Variants in PEX14 observed in about 807,000 individuals in gnomAD.
PEX14 encodes the protein peroxisomal membrane protein PEX14.
PEX14 carries 15 observed loss-of-function variants against 49.5 expected under a neutral mutation model. The observed-to-expected ratio is 0.30, with a 90% CI of 0.20 to 0.47. The LOEUF is 0.47. PEX14 is among the 20% of genes least tolerant of loss of function. The pLI is 1.00. For synonymous variants in PEX14, 210 were observed against 212.7 expected, an observed-to-expected ratio of 0.99 and a Z score of 0.11; for missense variants, 398 against 494.8, an observed-to-expected ratio of 0.80 and a Z score of 1.86.
chr1:10,583,753 A>AG (rs1640399584), intron 3 of PEX14, among the ~76,000 whole-genome samples: 1 of 152,156 alleles, frequency 6.6e-6, no homozygotes. Flanking sequence ...TAACATTTTG[A>AG]GCAAAAACTT....
chr1:10,533,144 AC>A (rs1404153345), intron 2 of PEX14, among the ~76,000 whole-genome samples: 2 of 152,096 alleles, frequency 1.3e-5, no homozygotes, highest in African/African-American at 2.4e-5. Context: ...GTTCACACTT[AC>A]ATGTAGCCAC....
intron 4 of PEX14, among the ~76,000 whole-genome samples, chr1:10,615,209 C>T (rs1641379212): frequency 1.3e-5 from 2 of 152,300 alleles, no homozygotes; most frequent in South Asian, 2.1e-4. Flanking sequence ...TGTATAAAAA[C>T]CTCTGCATGC....
intron 4 of PEX14, among the ~76,000 whole-genome samples, chr1:10,607,004 G>T (rs1203898294): frequency 6.6e-6 from 1 of 152,084 alleles, no homozygotes; most frequent in African/African-American, 2.4e-5. Context: ...GGTTCCCTTG[G>T]GTCCCATTTC....
chr1:10,564,521 C>G (rs1639745381), intron 3 of PEX14, among the ~76,000 whole-genome samples: 1 of 151,820 alleles, frequency 6.6e-6, no homozygotes. Flanking sequence ...AAGCCATCCT[C>G]CTACCTTAGT....
intron 1 of PEX14, among the ~76,000 whole-genome samples, chr1:10,486,650 C>T (rs1641373447): frequency 6.6e-6 from 1 of 151,058 alleles, no homozygotes; most frequent in Non-Finnish European, 1.5e-5. Context: ...CACTGCACTA[C>T]AGGCACTACA....
intron 2 of PEX14, among the ~76,000 whole-genome samples, chr1:10,530,896 G>A (rs1638630297): frequency 6.6e-6 from 1 of 152,070 alleles, no homozygotes; most frequent in Admixed American, 6.6e-5. Context: ...CAATTCCGAC[G>A]CTTGCTTTCT....
At chr1:10,479,897 T>C (rs1479442842) in intron 1 of PEX14, among the ~76,000 whole-genome samples, 2 of 151,894 alleles carry the variant, frequency 1.3e-5, no homozygotes, top group Non-Finnish European at 3.0e-5. Flanking sequence ...CTCAGGAGAC[T>C]GAGGCTGGAG....
At chr1:10,554,160 C>T (rs905910761) in intron 3 of PEX14, among the ~76,000 whole-genome samples, 2 of 146,570 alleles carry the variant, frequency 1.4e-5, no homozygotes, top group South Asian at 2.2e-4. Flanking sequence ...AAAAATTAGC[C>T]GGGCATGGTG....
chr1:10,619,004 A>G (rs1395631295), intron 5 of PEX14, among the ~76,000 whole-genome samples: 1 of 152,346 alleles, frequency 6.6e-6, no homozygotes, highest in African/African-American at 2.4e-5. Context: ...AGCGGCGGTG[A>G]GAACCTCAGT....
intron 2 of PEX14, among the ~76,000 whole-genome samples, chr1:10,526,016 G>T (rs576483335): frequency 6.7e-6 from 1 of 150,212 alleles, no homozygotes. Context: ...CTGTCTCCCA[G>T]GTTCAAGCGA....
intron 1 of PEX14, among the ~76,000 whole-genome samples, chr1:10,490,667 G>A (rs1239322899): frequency 1.4e-5 from 2 of 147,036 alleles, no homozygotes; most frequent in African/African-American, 2.5e-5. Flanking sequence ...TTCTTACATC[G>A]TTACAATAGA....
chr1:10,575,488 A>G (rs1640094404), intron 3 of PEX14, among the ~76,000 whole-genome samples: 1 of 152,216 alleles, frequency 6.6e-6, no homozygotes, highest in Non-Finnish European at 1.5e-5. Flanking sequence ...TTAATTGGCC[A>G]CAAAGAAAAA....
At chr1:10,622,160 C>T (rs1641614811) in intron 5 of PEX14, among the ~76,000 whole-genome samples, 1 of 152,196 alleles carries the variant, frequency 6.6e-6, no homozygotes. Flanking sequence ...ACCAAGAGCA[C>T]CAGTTGCCAG....
At chr1:10,610,574 C>A (rs577914001) in intron 4 of PEX14, among the ~76,000 whole-genome samples, 1 of 151,864 alleles carries the variant, frequency 6.6e-6, no homozygotes, top group Non-Finnish European at 1.5e-5. Context: ...CTCTGCCTCC[C>A]GGGTGGGTTC....
chr1:10,501,170 A>G (rs1431110154), intron 2 of PEX14, among the ~76,000 whole-genome samples: 1 of 152,232 alleles, frequency 6.6e-6, no homozygotes, highest in East Asian at 1.9e-4. Flanking sequence ...ATTTCTGTGC[A>G]GAGTTAGGTT....
chr1:10,541,258 G>C (rs918151254), intron 3 of PEX14, among the ~76,000 whole-genome samples: 1 of 152,230 alleles, frequency 6.6e-6, no homozygotes, highest in African/African-American at 2.4e-5. Flanking sequence ...GGACAGCCCC[G>C]TGGTCCTAGA....
intron 2 of PEX14, among the ~76,000 whole-genome samples, chr1:10,498,106 C>T (rs1641602644): frequency 6.6e-6 from 1 of 152,034 alleles, no homozygotes; most frequent in African/African-American, 2.4e-5. Flanking sequence ...ATAGAGAGAC[C>T]CCATCTCTAT....
At chr1:10,547,221 C>A (rs1439665482) in intron 3 of PEX14, among the ~76,000 whole-genome samples, 1 of 152,206 alleles carries the variant, frequency 6.6e-6, no homozygotes, top group African/African-American at 2.4e-5. Context: ...TCTTGACCCC[C>A]ATGAAGCTGG....
intron 3 of PEX14, among the ~76,000 whole-genome samples, chr1:10,546,605 G>A (rs1479641906): frequency 2.0e-4 from 26 of 131,870 alleles, no homozygotes; most frequent in Non-Finnish European, 3.3e-4. Context: ...GGTGGCTCAC[G>A]CCTATAATCC....
Sources: allele counts gnomAD v4.1 joint callset (sites outside exome capture counted in the v4.1 genomes callset), GRCh38; gene constraint gnomAD v4.1.1; transcripts MANE v1.5; gene names NCBI Gene and HGNC (gene_info 2026-07-23, HGNC 2026-07-21).